Variants in PPM1L observed in about 807,000 individuals in gnomAD.
PPM1L encodes protein phosphatase, Mg2+/Mn2+ dependent 1L.
PPM1L carries 13 observed loss-of-function variants against 31.4 expected under a neutral mutation model. The ratio of observed to expected loss-of-function variants is 0.41; its 90% CI spans 0.27 to 0.66. PPM1L has a LOEUF of 0.66. PPM1L is among the 30% of genes least tolerant of loss of function. The pLI, the probability that PPM1L is intolerant of heterozygous loss-of-function variation, is 0.29. For missense variants in PPM1L, 326 were observed against 453.7 expected (o/e 0.72, Z 2.56); for synonymous variants, 184 against 175.4 (o/e 1.05, Z -0.39).
At chr3:160,994,502 G>C (rs1717242475) in intron 2 of PPM1L, among the ~76,000 whole-genome samples, 1 of 152,186 alleles carries the variant, frequency 6.6e-6, no homozygotes, top group African/African-American at 2.4e-5. Flanking sequence ...GGGACAGCCT[G>C]GGGGCTCAAC....
At chr3:160,891,678 C>G (rs575499464) in intron 1 of PPM1L, among the ~76,000 whole-genome samples, 1 of 152,268 alleles carries the variant, frequency 6.6e-6, no homozygotes, top group South Asian at 2.1e-4. Context: ...AATCATTCTA[C>G]TATAAAGACA....
At chr3:161,003,405 G>T (rs944769292) in intron 2 of PPM1L, among the ~76,000 whole-genome samples, 15 of 151,824 alleles carry the variant, frequency 9.9e-5, no homozygotes, top group African/African-American at 3.6e-4. Flanking sequence ...TGGGGATGGC[G>T]TTGAATCTAT....
chr3:161,008,042 C>G (rs1234513452), intron 2 of PPM1L, among the ~76,000 whole-genome samples: 1 of 152,186 alleles, frequency 6.6e-6, no homozygotes. Context: ...TTCTCATTCT[C>G]CCTGAGGCTA....
intron 2 of PPM1L, among the ~76,000 whole-genome samples, chr3:161,012,984 A>AT (rs1200123341): frequency 6.6e-6 from 1 of 151,968 alleles, no homozygotes; most frequent in Non-Finnish European, 1.5e-5. Context: ...GGATTCATTG[A>AT]TTTTTTGAAG....
At chr3:160,796,838 G>A (rs17826364) in intron 1 of PPM1L, among the ~76,000 whole-genome samples, 7,339 of 152,190 alleles carry the variant, frequency 0.048, 195 homozygotes, top group South Asian at 0.064. Flanking sequence ...GGAATTCAAG[G>A]AAATGTAGCT....
intron 1 of PPM1L, among the ~76,000 whole-genome samples, chr3:160,774,945 T>A (rs1184169068): frequency 6.6e-6 from 1 of 152,250 alleles, no homozygotes; most frequent in Non-Finnish European, 1.5e-5. Context: ...GCAATAATTC[T>A]AAAAATAATG....
chr3:161,037,280 A>AG (rs1559932795), intron 2 of PPM1L, among the ~76,000 whole-genome samples: 1 of 152,228 alleles, frequency 6.6e-6, no homozygotes, highest in Admixed American at 6.5e-5. Flanking sequence ...TCACATGCTC[A>AG]GGGGGAAATC....
intron 2 of PPM1L, among the ~76,000 whole-genome samples, chr3:161,007,281 A>T (rs1427836600): frequency 6.6e-6 from 1 of 152,262 alleles, no homozygotes; most frequent in Non-Finnish European, 1.5e-5. Context: ...TATTGTGCAC[A>T]GTGCAATCAA....
chr3:160,938,306 G>C (rs1432036065), intron 1 of PPM1L, among the ~76,000 whole-genome samples: 13 of 152,194 alleles, frequency 8.5e-5, no homozygotes, highest in Admixed American at 7.9e-4. Context: ...TAAGGTAGAG[G>C]TGTTGGAGAA....
chr3:160,884,463 A>G (rs1417245628), intron 1 of PPM1L, among the ~76,000 whole-genome samples: 2 of 152,228 alleles, frequency 1.3e-5, no homozygotes, highest in East Asian at 3.9e-4. Flanking sequence ...GAGACAGTAG[A>G]AATGAAGCAG....
intron 2 of PPM1L, among the ~76,000 whole-genome samples, chr3:160,990,794 T>G (rs1044369795): frequency 3.3e-5 from 5 of 152,226 alleles, no homozygotes; most frequent in African/African-American, 1.2e-4. Flanking sequence ...GATTTTCACT[T>G]CTACTATTTG....
chr3:161,001,358 T>C (rs1479828360), intron 2 of PPM1L, among the ~76,000 whole-genome samples: 1 of 152,162 alleles, frequency 6.6e-6, no homozygotes. Context: ...CTCTACTTAC[T>C]GCAACCTCCA....
chr3:160,850,703 G>T (rs1196477900), intron 1 of PPM1L, among the ~76,000 whole-genome samples: 1 of 152,108 alleles, frequency 6.6e-6, no homozygotes, highest in African/African-American at 2.4e-5. Context: ...ACTGGGCAGA[G>T]ACCAAATATA....
chr3:160,981,713 T>C (rs570948653), intron 2 of PPM1L, among the ~76,000 whole-genome samples: 1 of 151,544 alleles, frequency 6.6e-6, no homozygotes, highest in Admixed American at 6.6e-5. Flanking sequence ...TCTTCTACTA[T>C]TATCACCTTT....
chr3:161,047,096 C>T (rs1444939290), intron 2 of PPM1L, among the ~76,000 whole-genome samples: 2 of 152,116 alleles, frequency 1.3e-5, no homozygotes, highest in African/African-American at 4.8e-5. Context: ...CCAGGGCAAT[C>T]AGGCAGGAGA....
intron 1 of PPM1L, among the ~76,000 whole-genome samples, chr3:160,950,086 C>T (rs78760818): frequency 1.4e-4 from 22 of 152,134 alleles, no homozygotes; most frequent in Non-Finnish European, 2.6e-4. Context: ...TTTTCCTCCA[C>T]ACAAAGTTAA....
chr3:160,973,817 T>C (rs1716449638), intron 2 of PPM1L, among the ~76,000 whole-genome samples: 1 of 146,398 alleles, frequency 6.8e-6, no homozygotes, highest in African/African-American at 2.5e-5. Flanking sequence ...CTTTATTTTT[T>C]TATTTTTTTT....
intron 2 of PPM1L, among the ~76,000 whole-genome samples, chr3:161,013,826 A>G (rs1302540408): frequency 6.6e-6 from 1 of 152,086 alleles, no homozygotes; most frequent in Non-Finnish European, 1.5e-5. Flanking sequence ...AGTCTGTTTT[A>G]TCAGAGACTA....
intron 1 of PPM1L, among the ~76,000 whole-genome samples, chr3:160,885,315 AC>A (rs1193734670): frequency 6.6e-6 from 1 of 152,230 alleles, no homozygotes; most frequent in Non-Finnish European, 1.5e-5. Flanking sequence ...GTTATAGATC[AC>A]CCTAGAATAG....
Sources: allele counts gnomAD v4.1 joint callset (sites outside exome capture counted in the v4.1 genomes callset), GRCh38; gene constraint gnomAD v4.1.1; transcripts MANE v1.5; gene names NCBI Gene and HGNC (gene_info 2026-07-23, HGNC 2026-07-21).